TAF3: variants seen among roughly 807,000 people sequenced by gnomAD.
TAF3 encodes TATA-box binding protein associated factor 3, also known as transcription initiation factor TFIID subunit 3.
TAF3 carries 7 observed loss-of-function variants against 80.6 expected under a neutral mutation model. That is an observed-to-expected ratio of 0.09 (90% confidence interval 0.05 to 0.16). The LOEUF (loss-of-function observed/expected upper bound fraction) is 0.16, where lower values mean the gene tolerates loss of function less well. Among genes scored for constraint, TAF3 ranks in the 10% least tolerant of loss-of-function variants. TAF3 has a pLI of 1.00. For missense variants in TAF3, 921 were observed against 1,140.2 expected (o/e 0.81, Z 2.77); for synonymous variants, 444 against 446.1 (o/e 1.00, Z 0.06).
At chr10:7,820,137 C>A (rs1836676240) in intron 1 of TAF3, among the ~76,000 whole-genome samples, 1 of 152,168 alleles carries the variant, frequency 6.6e-6, no homozygotes, top group South Asian at 2.1e-4. Context: ...TGTTTCTTAC[C>A]TAGAGTGTCC....
intron 4 of TAF3, among the ~76,000 whole-genome samples, chr10:8,008,398 C>G (rs1449269132): frequency 6.6e-6 from 1 of 152,162 alleles, no homozygotes; most frequent in Non-Finnish European, 1.5e-5. Flanking sequence ...CTTGCCCAGC[C>G]TGAACGGTCA....
At chr10:7,955,047 G>A (rs890845951) in intron 2 of TAF3, among the ~76,000 whole-genome samples, 1 of 152,254 alleles carries the variant, frequency 6.6e-6, no homozygotes, top group Non-Finnish European at 1.5e-5. Flanking sequence ...TCCATAGTGA[G>A]ATTCAGAGTG....
chr10:8,000,309 G>A (rs1329858715), intron 4 of TAF3, among the ~76,000 whole-genome samples: 1 of 151,942 alleles, frequency 6.6e-6, no homozygotes, highest in African/African-American at 2.4e-5. Context: ...TAGAGACAGG[G>A]TTTCACTATG....
At chr10:7,824,294 G>T in intron 1 of TAF3, 24 bp from the exon 2 acceptor site, 7 of 1,572,758 alleles carry the variant, frequency 4.5e-6, no homozygotes, top group Non-Finnish European at 6.0e-6. Context: ...CAAATAATTT[G>T]ATTTGCTTTT....
chr10:7,851,600 A>G lies in TAF3; in HGVS notation c.409+27040A>G, dbSNP rs143169334. Among the ~76,000 whole-genome samples the G allele has an allele frequency of 4.6e-5, 7 of 152,026 alleles. No homozygotes were observed. The East Asian group carries it at 1.4e-3, about 29-fold the overall frequency. On this transcript the variant is annotated intron_variant, in intron 2 of 6. Coordinates refer to ENST00000344293, the MANE Select transcript of TAF3 (RefSeq NM_031923.4). Reference sequence around the variant, plus strand: ...TCATCACCCAGCTTCACCCGTATCTACTCATGGCCAGTCTTATTCATCTGT... The same window carrying G: ...TCATCACCCAGCTTCACCCGTATCTGCTCATGGCCAGTCTTATTCATCTGT...
chr10:7,826,233 C>T (rs1389258018), intron 2 of TAF3, among the ~76,000 whole-genome samples: 2 of 152,034 alleles, frequency 1.3e-5, no homozygotes, highest in Admixed American at 6.6e-5. Flanking sequence ...ACTAACACAC[C>T]GACAGCCCAG....
At chr10:7,933,773 T>C (rs1443687866) in intron 2 of TAF3, among the ~76,000 whole-genome samples, 1 of 152,200 alleles carries the variant, frequency 6.6e-6, no homozygotes, top group Admixed American at 6.5e-5. Flanking sequence ...AGAAAAAGAA[T>C]GTACAATATA....
At chr10:7,952,969 T>C (rs745858533) in intron 2 of TAF3, among the ~76,000 whole-genome samples, 49 of 152,216 alleles carry the variant, frequency 3.2e-4, no homozygotes, top group Non-Finnish European at 6.0e-4. Flanking sequence ...GAAGATATAA[T>C]GATGAAGTGG....
At chr10:7,961,298 G>A (rs1180304228) in intron 2 of TAF3, among the ~76,000 whole-genome samples, 2 of 152,132 alleles carry the variant, frequency 1.3e-5, no homozygotes, top group Admixed American at 6.5e-5. Context: ...TCATTATCGC[G>A]AATCGGTAGC....
At chr10:7,836,580 C>T (rs1313814171) in intron 2 of TAF3, among the ~76,000 whole-genome samples, 1 of 152,016 alleles carries the variant, frequency 6.6e-6, no homozygotes, top group Non-Finnish European at 1.5e-5. Flanking sequence ...GGCCCATTTC[C>T]ACATTTTCTT....
At chr10:7,984,435 A>G (rs1370005462) in intron 4 of TAF3, among the ~76,000 whole-genome samples, 1 of 152,276 alleles carries the variant, frequency 6.6e-6, no homozygotes, top group Admixed American at 6.5e-5. Context: ...ATGCCGCATT[A>G]GAAGACTCAG....
intron 4 of TAF3, among the ~76,000 whole-genome samples, chr10:7,979,431 G>A (rs1340369979): frequency 6.6e-6 from 1 of 150,680 alleles, no homozygotes; most frequent in Non-Finnish European, 1.5e-5. Flanking sequence ...CAGTCATTCT[G>A]TTGATTATTT....
chr10:7,946,969 C>G (rs1838030952), intron 2 of TAF3, among the ~76,000 whole-genome samples: 1 of 152,154 alleles, frequency 6.6e-6, no homozygotes. Flanking sequence ...GCTACACTGC[C>G]CAGGCTGGTC....
chr10:7,959,142 A>T (rs1021137819), intron 2 of TAF3, among the ~76,000 whole-genome samples: 1 of 56,490 alleles, frequency 1.8e-5, no homozygotes, highest in Non-Finnish European at 5.3e-5. Flanking sequence ...TCTGTCTCAC[A>T]CACACACACA....
Position 7,837,311 on chromosome 10 carries a change from C to G in TAF3, c.409+12751C>G, listed in dbSNP as rs183717230. 4.0e-3 allele frequency among the ~76,000 whole-genome samples: 561 copies of G among 140,926 alleles called. 3 individuals are homozygous for G. The highest frequency in any genetic ancestry group is 0.014 in the African/African-American group (533 of 37,130). 92.5% of individuals were successfully genotyped at this position (140,926 alleles called of 152,430 possible). ...CAGGGAGGTGGAGGTTGCAGTGAGC[C>G]GAGATTGCACCACTGTGCTCCAGTC... On this transcript the variant is annotated intron_variant, in intron 2 of 6. Coordinates refer to ENST00000344293, the MANE Select transcript of TAF3 (RefSeq NM_031923.4).
chr10:7,903,960 A>G (rs766956936), intron 2 of TAF3, among the ~76,000 whole-genome samples: 4 of 152,186 alleles, frequency 2.6e-5, no homozygotes, highest in Admixed American at 1.3e-4. Context: ...TATTGTAGGT[A>G]TCTGGAAAAC....
At chr10:7,974,058 G>T (rs1201548013) in intron 3 of TAF3, among the ~76,000 whole-genome samples, 1 of 151,962 alleles carries the variant, frequency 6.6e-6, no homozygotes, top group Non-Finnish European at 1.5e-5. Flanking sequence ...AACCCAGGAG[G>T]TGTAGGTTGT....
At position 8,009,625 on chromosome 10, in the gene TAF3, T is replaced by C. The variant is rs1322241148; in HGVS notation, c.2568+295T>C. Among the ~76,000 whole-genome samples, 1 of 150,928 alleles carries C rather than the reference T, an allele frequency of 6.6e-6. No individual in the cohort carries two copies. Among genetic ancestry groups the C allele is most frequent in the East Asian group, 1.9e-4 (1 of 5,140 alleles). On this transcript the variant is annotated intron_variant, in intron 5 of 6. Transcript: ENST00000344293. This position sits in a 1 kb window ranked among gnomAD's most constrained non-coding sequence, Gnocchi z 4.1. The stretch of plus-strand genomic sequence containing the variant: ...CTGGCCAGACACGTTTCTTTTTTTT[T>C]CTTTTTTTTTTTTGAGACAGAGTTT...
chr10:7,961,559 A>T (rs1838189926), intron 2 of TAF3, among the ~76,000 whole-genome samples: 1 of 152,092 alleles, frequency 6.6e-6, no homozygotes, highest in South Asian at 2.1e-4. Flanking sequence ...CTTTTTATAT[A>T]TAGGTATTCC....
Sources: allele counts gnomAD v4.1 joint callset (sites outside exome capture counted in the v4.1 genomes callset), GRCh38; gene constraint gnomAD v4.1.1; non-coding constraint Gnocchi (gnomAD v3.1); transcripts MANE v1.5; gene names NCBI Gene and HGNC (gene_info 2026-07-23, HGNC 2026-07-21).